The following MALRD1 variants were observed in gnomAD, a reference collection of about 807,000 sequenced individuals.
MALRD1 encodes the protein MAM and LDL-receptor class A domain-containing protein 1.
MALRD1 carries 247 observed loss-of-function variants against 242.1 expected under a neutral mutation model. The observed-to-expected ratio is 1.02, with a 90% CI of 0.92 to 1.13. The LOEUF (loss-of-function observed/expected upper bound fraction) is 1.13, where lower values mean the gene tolerates loss of function less well. Among genes scored for constraint, MALRD1 ranks in the 50% most tolerant of loss-of-function variants. MALRD1 has a pLI of 0.00. For synonymous variants in MALRD1, 995 were observed against 866.6 expected, an observed-to-expected ratio of 1.15 and a Z score of -2.60; for missense variants, 2,989 against 2,533.1, an observed-to-expected ratio of 1.18 and a Z score of -3.86.
At chr10:19,237,680 TA>T (rs1300965839) in intron 18 of MALRD1, among the ~76,000 whole-genome samples, 2 of 118,926 alleles carry the variant, frequency 1.7e-5, no homozygotes, top group Non-Finnish European at 3.3e-5. Context: ...TAATTATATA[TA>T]ATTTATATAT....
At chr10:19,323,693 G>T (rs1421121324) in intron 21 of MALRD1, among the ~76,000 whole-genome samples, 1 of 152,044 alleles carries the variant, frequency 6.6e-6, no homozygotes, top group African/African-American at 2.4e-5. Context: ...ACTGCAACCT[G>T]CACTTCCTGG....
chr10:19,446,768 A>G (rs147696147), intron 28 of MALRD1, among the ~76,000 whole-genome samples: 238 of 152,246 alleles, frequency 1.6e-3, no homozygotes, highest in Middle Eastern at 3.4e-3. Flanking sequence ...CCATTTTTGT[A>G]TTAGTGTCTA....
At position 19,254,496 on chromosome 10, in the gene MALRD1, A is replaced by G. The variant is rs1839421942; in HGVS notation, c.2992-3188A>G. Among the ~76,000 whole-genome samples, 2 of 152,006 alleles carry G rather than the reference A, an allele frequency of 1.3e-5. 1 individual carries two copies. Among genetic ancestry groups the G allele is most frequent in the Non-Finnish European group, 2.9e-5 (2 of 67,968 alleles). Reference sequence around the variant, plus strand: ...CTACATGTGCATTGCCATGTCATATAAAAGTGTATGTTTAATTTTATAAGA... The same window carrying G: ...CTACATGTGCATTGCCATGTCATATGAAAGTGTATGTTTAATTTTATAAGA... On this transcript the variant is annotated intron_variant, in intron 18 of 39. Transcript: ENST00000454679.
chr10:19,377,076 C>T (rs1018338785), intron 26 of MALRD1, among the ~76,000 whole-genome samples: 1 of 152,128 alleles, frequency 6.6e-6, no homozygotes, highest in Non-Finnish European at 1.5e-5. Context: ...TCAATGCAAA[C>T]TATAACATAT....
intron 21 of MALRD1, among the ~76,000 whole-genome samples, chr10:19,288,242 A>G (rs1460230320): frequency 1.3e-5 from 2 of 152,090 alleles, no homozygotes; most frequent in Non-Finnish European, 2.9e-5. Flanking sequence ...CATGCAATGT[A>G]TAATAATCAC....
At chr10:19,314,923 CA>C in intron 21 of MALRD1, among the ~76,000 whole-genome samples, 1 of 150,142 alleles carries the variant, frequency 6.7e-6, no homozygotes, top group Admixed American at 6.7e-5. Context: ...TCATAGAATG[CA>C]AATTAATTCA....
chr10:19,266,626 C>T (rs1174325105), intron 19 of MALRD1, among the ~76,000 whole-genome samples: 6 of 151,746 alleles, frequency 4.0e-5, no homozygotes, highest in African/African-American at 9.7e-5. Flanking sequence ...ATGTAAATCA[C>T]TTATAACTCT....
intron 28 of MALRD1, among the ~76,000 whole-genome samples, chr10:19,402,956 T>G (rs1846934326): frequency 6.6e-6 from 1 of 152,186 alleles, no homozygotes; most frequent in African/African-American, 2.4e-5. Context: ...CACAATTTAG[T>G]TTTGTGTCCT....
intron 36 of MALRD1, among the ~76,000 whole-genome samples, chr10:19,618,113 A>C (rs1438901174): frequency 6.6e-6 from 1 of 151,980 alleles, no homozygotes; most frequent in Non-Finnish European, 1.5e-5. Flanking sequence ...AGTTTGCTAA[A>C]GATAATGGCC....
intron 26 of MALRD1, among the ~76,000 whole-genome samples, chr10:19,361,667 C>T (rs1336253387): frequency 6.6e-6 from 1 of 152,080 alleles, no homozygotes; most frequent in Non-Finnish European, 1.5e-5. Flanking sequence ...TCTGTGACTT[C>T]TGTATTGGTA....
At chr10:19,694,478 A>C (rs1022141837) in intron 38 of MALRD1, among the ~76,000 whole-genome samples, 3 of 152,262 alleles carry the variant, frequency 2.0e-5, no homozygotes, top group South Asian at 2.1e-4. Flanking sequence ...AAAAATGCTC[A>C]TCATCACTGG....
chr10:19,167,572 T>G (rs1472063297), intron 13 of MALRD1, among the ~76,000 whole-genome samples: 1 of 152,122 alleles, frequency 6.6e-6, no homozygotes, highest in Non-Finnish European at 1.5e-5. Context: ...TTATTTAAAA[T>G]AATGCTTGAT....
At position 19,358,195 on chromosome 10, in the gene MALRD1, A is replaced by AGTGTGTGTGTGTGTGT. The variant is rs776862926; in HGVS notation, c.4441+5919_4441+5934dup. ...ATATATGCAATCAGGGCAGGAGTCA[A>AGTGTGTGTGTGTGTGT]GTGTGTGTGTGTGTGTGTGTGTGTG... On this transcript the variant is annotated intron_variant, in intron 26 of 39. Transcript: ENST00000454679. Among the ~76,000 whole-genome samples the AGTGTGTGTGTGTGTGT allele has an allele frequency of 9.6e-3, 1,392 of 145,656 alleles. 30 individuals are homozygous for AGTGTGTGTGTGTGTGT. The highest frequency in any genetic ancestry group is 0.022 in the South Asian group (102 of 4,576).
chr10:19,308,286 T>G (rs1190487340), intron 21 of MALRD1, among the ~76,000 whole-genome samples: 1 of 151,566 alleles, frequency 6.6e-6, no homozygotes, highest in South Asian at 2.1e-4. Context: ...ACAGGGTAAT[T>G]AGGGTGTTCA....
At chr10:19,337,412 T>G (rs1341024866) in intron 24 of MALRD1, among the ~76,000 whole-genome samples, 3 of 152,160 alleles carry the variant, frequency 2.0e-5, no homozygotes, top group Non-Finnish European at 2.9e-5. Flanking sequence ...CCCGCTGCTT[T>G]CCTTTTTAAG....
intron 24 of MALRD1, among the ~76,000 whole-genome samples, chr10:19,333,436 T>C (rs1254026386): frequency 6.6e-6 from 1 of 152,210 alleles, no homozygotes; most frequent in East Asian, 1.9e-4. Flanking sequence ...CTTAGAATTA[T>C]GGCCTCCACC....
chr10:19,136,523 G>T (rs1236317646), intron 9 of MALRD1, 51 bp from the exon 10 acceptor site: 19 of 1,063,752 alleles, frequency 1.8e-5, no homozygotes, highest in Non-Finnish European at 2.2e-5. Context: ...TTAGTTTTTT[G>T]TCTTATTAAG....
intron 38 of MALRD1, among the ~76,000 whole-genome samples, chr10:19,714,498 G>A (rs866388227): frequency 5.3e-5 from 8 of 152,122 alleles, no homozygotes; most frequent in South Asian, 2.1e-4. Flanking sequence ...CGCACAGGAT[G>A]GGGGCTTGAC....
At chr10:19,732,662 GT>G (rs1835344277) in intron 39 of MALRD1, among the ~76,000 whole-genome samples, 1 of 152,174 alleles carries the variant, frequency 6.6e-6, no homozygotes, top group Non-Finnish European at 1.5e-5. Flanking sequence ...TCAATTTTAT[GT>G]TTTTTGTATT....
Sources: gnomAD v4.1 joint callset for allele counts (sites outside exome capture counted in the v4.1 genomes callset) on GRCh38, gnomAD v4.1.1 for gene constraint, MANE v1.5 for transcripts, NCBI Gene and HGNC (gene_info 2026-07-23, HGNC 2026-07-21) for gene names.